The following SDK2 variants were observed in gnomAD, a reference collection of about 807,000 sequenced individuals.
SDK2 encodes the protein protein sidekick-2.
SDK2 carries 105 observed loss-of-function variants against 253.9 expected under a neutral mutation model. The ratio of observed to expected loss-of-function variants is 0.41; its 90% CI spans 0.35 to 0.49. The LOEUF is 0.49. SDK2 is among the 20% of genes least tolerant of loss of function. SDK2 has a pLI of 0.06. For missense variants in SDK2, 2,608 were observed against 3,003.0 expected, an observed-to-expected ratio of 0.87 and a Z score of 3.07; for synonymous variants, 1,249 against 1,234.9, an observed-to-expected ratio of 1.01 and a Z score of -0.24.
chr17:73,497,781 T>C (rs1303391746), intron 2 of SDK2, among the ~76,000 whole-genome samples: 1 of 152,122 alleles, frequency 6.6e-6, no homozygotes, highest in East Asian at 1.9e-4. Context: ...TCTGATCATG[T>C]CCATTCCCTG....
intron 18 of SDK2, among the ~76,000 whole-genome samples, chr17:73,412,174 ATATGTATATG>A: frequency 6.7e-6 from 1 of 148,578 alleles, no homozygotes; most frequent in South Asian, 2.1e-4. Context: ...ATATACACAT[ATATGTATATG>A]CACATACACA....
intron 1 of SDK2, among the ~76,000 whole-genome samples, chr17:73,557,587 G>C (rs2045163840): frequency 6.6e-6 from 1 of 152,124 alleles, no homozygotes; most frequent in Non-Finnish European, 1.5e-5. Context: ...ACAGGCATGA[G>C]CCACTGTGCC....
chr17:73,340,846 T>G (rs1421031835), intron 44 of SDK2, among the ~76,000 whole-genome samples: 1 of 140,668 alleles, frequency 7.1e-6, no homozygotes, highest in Non-Finnish European at 1.5e-5. Flanking sequence ...CGGGTTCAAG[T>G]GATTCTCCTG....
chr17:73,412,223 CATATACAT>C lies in SDK2; in HGVS notation c.2484+2413_2484+2420del, dbSNP rs1258623482. Among the ~76,000 whole-genome samples the C allele has an allele frequency of 2.8e-4, 41 of 148,568 alleles. No homozygotes were observed. The East Asian group carries it at 6.5e-3, about 24-fold the overall frequency. On this transcript the variant is annotated intron_variant, in intron 18 of 44. Transcript: ENST00000392650. The stretch of plus-strand genomic sequence containing the variant: ...ATACATATATGTATATGCATATACA[CATATACAT>C]ATATACATATATCCTGGAACATATA...
intron 1 of SDK2, among the ~76,000 whole-genome samples, chr17:73,617,155 T>C (rs1266740852): frequency 6.8e-6 from 1 of 147,626 alleles, no homozygotes; most frequent in Non-Finnish European, 1.5e-5. Flanking sequence ...GGGGAGAAGC[T>C]TCCCGCAGAG....
At position 73,383,295 on chromosome 17, in the gene SDK2, G is replaced by A. The variant is rs574575228; in HGVS notation, c.4705+581C>T. Among the ~76,000 whole-genome samples the A allele has an allele frequency of 1.3e-5, 2 of 152,290 alleles. No homozygotes were observed. Among genetic ancestry groups the A allele is most frequent in the East Asian group, 3.9e-4 (2 of 5,178 alleles). ...GTCTTTCCCTTGCCGTGGTCTTCTG[G>A]GCATCGGCTCTCCCTGACATTTCCA... is the stretch of plus-strand genomic sequence containing the variant. On this transcript the variant is annotated intron_variant, in intron 33 of 44. Transcript: ENST00000392650. This position sits in a 1 kb window ranked among gnomAD's most constrained non-coding sequence, Gnocchi z 4.3.
In SDK2 at chr17:73,361,674, G is replaced by C. The variant is rs1216609127; in HGVS notation, c.5467+10C>G. On this transcript the variant is annotated intron_variant, in intron 39 of 44. Transcript: ENST00000392650. This position sits in a 1 kb window ranked among gnomAD's most constrained non-coding sequence, Gnocchi z 4.1. ...GTGTGGAAGACATGCCTGGTCCGTT[G>C]CTCTCCTACCTTCTCCGGGGCCCGT... The C allele has an allele frequency of 6.2e-7, 1 of 1,607,702 alleles. No individual in the cohort carries two copies. Among genetic ancestry groups the C allele is most frequent in the Non-Finnish European group, 8.5e-7 (1 of 1,174,870 alleles).
At chr17:73,407,981 A>G (rs537626335) in intron 18 of SDK2, among the ~76,000 whole-genome samples, 7 of 151,966 alleles carry the variant, frequency 4.6e-5, no homozygotes, top group Non-Finnish European at 1.0e-4. Context: ...TCACAGTAAG[A>G]GAGACAGCCG....
At chr17:73,550,620 C>T (rs151084292) in intron 1 of SDK2, among the ~76,000 whole-genome samples, 10 of 152,116 alleles carry the variant, frequency 6.6e-5, no homozygotes, top group African/African-American at 1.9e-4. Context: ...TCCTGCCACA[C>T]GTCTCTTCCT....
intron 2 of SDK2, among the ~76,000 whole-genome samples, chr17:73,500,368 T>TC (rs1254948776): frequency 3.1e-5 from 4 of 130,410 alleles, no homozygotes; most frequent in East Asian, 2.6e-4. Context: ...TCCTCCATCC[T>TC]TCTCCATCCT....
chr17:73,552,189 G>A (rs1426514576), intron 1 of SDK2, among the ~76,000 whole-genome samples: 1 of 152,088 alleles, frequency 6.6e-6, no homozygotes, highest in Non-Finnish European at 1.5e-5. Flanking sequence ...AAGAGAAAGC[G>A]AAACTCTCGT....
chr17:73,552,773 A>C (rs1353075943), intron 1 of SDK2, among the ~76,000 whole-genome samples: 1 of 152,184 alleles, frequency 6.6e-6, no homozygotes, highest in African/African-American at 2.4e-5. Flanking sequence ...TCCCAGACGA[A>C]GTTCCCTAAG....
intron 36 of SDK2, among the ~76,000 whole-genome samples, chr17:73,371,074 T>A (rs550025768): frequency 1.3e-5 from 2 of 152,092 alleles, no homozygotes; most frequent in East Asian, 3.9e-4. Context: ...TAAAATAACA[T>A]AAAAATAACG....
In SDK2 at chr17:73,338,331, T is replaced by C. The variant is rs2062398998; in HGVS notation, c.*256A>G. The C allele has an allele frequency of 3.8e-5, 24 of 636,458 alleles. No individual in the cohort carries two copies. The highest frequency in any genetic ancestry group is 7.0e-5 in the Non-Finnish European group (24 of 343,144). 39.4% of individuals were successfully genotyped at this position (636,458 alleles called of 1,614,324 possible). A position where few individuals can be genotyped will look rare whatever the true frequency, so the allele number is the denominator to read the frequency against. ...GCAGTGACACAGCCACTTCCCCAGC[T>C]CCGTGTAATTCCCAAGGGAGCAGTG... On this transcript the variant is annotated 3_prime_UTR_variant, in exon 45 of 45. Transcript: ENST00000392650. The surrounding 1 kb of genome is among the most constrained non-coding windows in gnomAD (Gnocchi z 5.0).
chr17:73,379,096 C>T lies in SDK2; in HGVS notation c.4980+81G>A, dbSNP rs775390155. On this transcript the variant is annotated intron_variant, in intron 36 of 44. Transcript: ENST00000392650. This position sits in a 1 kb window ranked among gnomAD's most constrained non-coding sequence, Gnocchi z 4.5. ...ATGGAGGGCCTGGGGACCTGCCTGC[C>T]TCCCACATATCACTCACTCCCCAGC... 9.4e-7 allele frequency: 1 copy of T among 1,061,594 alleles called. No individual in the cohort carries two copies. The highest frequency in any genetic ancestry group is 1.4e-6 in the Non-Finnish European group (1 of 714,402). The allele number at this position is 1,061,594 out of a possible 1,614,324, so 65.8% of individuals were successfully genotyped here.
intron 40 of SDK2, among the ~76,000 whole-genome samples, chr17:73,355,715 G>A (rs1477521788): frequency 6.6e-6 from 1 of 151,992 alleles, no homozygotes; most frequent in South Asian, 2.1e-4. Context: ...CAAGGGCAAG[G>A]ATCATGACTA....
chr17:73,503,310 G>GT (rs2063904741), intron 2 of SDK2, among the ~76,000 whole-genome samples: 1 of 152,208 alleles, frequency 6.6e-6, no homozygotes, highest in Non-Finnish European at 1.5e-5. Context: ...TTGCAGTATT[G>GT]TATCATTGTT....
At chr17:73,341,712 G>C (rs1349618406) in intron 44 of SDK2, among the ~76,000 whole-genome samples, 1 of 152,174 alleles carries the variant, frequency 6.6e-6, no homozygotes, top group Non-Finnish European at 1.5e-5. Flanking sequence ...TGAGATGCAC[G>C]GCTTGTTCTC....
At chr17:73,414,594 C>G (rs765385884) in intron 18 of SDK2, 50 bp downstream of exon 18, 1 of 1,447,088 alleles carries the variant, frequency 6.9e-7, no homozygotes, top group Non-Finnish European at 9.7e-7. Context: ...TCCCCACCCC[C>G]TCCAGAAGAT....
Sources: gnomAD v4.1 joint callset for allele counts (sites outside exome capture counted in the v4.1 genomes callset) on GRCh38, gnomAD v4.1.1 for gene constraint, Gnocchi (gnomAD v3.1) non-coding constraint, MANE v1.5 for transcripts, NCBI Gene and HGNC (gene_info 2026-07-23, HGNC 2026-07-21) for gene names.